COL13A1: variants seen among roughly 807,000 people sequenced by gnomAD.
COL13A1 encodes collagen type XIII alpha 1 chain, also known as collagen alpha-1(XIII) chain.
Under a neutral mutation model 130.9 loss-of-function variants are expected in COL13A1, and 89 were observed. The observed-to-expected ratio is 0.68, with a 90% CI of 0.57 to 0.81. COL13A1 has a LOEUF of 0.81. Ranked by LOEUF, COL13A1 falls within the 30% of genes least tolerant of loss-of-function variation. COL13A1 has a pLI of 0.00. For missense variants in COL13A1, 879 were observed against 934.6 expected (o/e 0.94, Z 0.78); for synonymous variants, 402 against 341.6 (o/e 1.18, Z -1.95).
intron 1 of COL13A1, among the ~76,000 whole-genome samples, chr10:69,820,431 T>G (rs1389350567): frequency 6.6e-6 from 1 of 152,232 alleles, no homozygotes; most frequent in Non-Finnish European, 1.5e-5. Flanking sequence ...AGCCGACCTG[T>G]GTCATGTGCC....
At chr10:69,942,504 G>A (rs1450831141) in intron 35 of COL13A1, among the ~76,000 whole-genome samples, 1 of 152,142 alleles carries the variant, frequency 6.6e-6, no homozygotes, top group Non-Finnish European at 1.5e-5. Context: ...GAGGGAAGCA[G>A]TACAAATTCA....
rs1589539102 is a variant in COL13A1 at position 69,922,758 on chromosome 10, T to A, written c.1194T>A (p.Pro398=). The change falls in exon 23 of 41, where the codon CCT becomes CCA. Residue 398 remains proline, a synonymous_variant. Coordinates refer to ENST00000645393, the MANE Select transcript of COL13A1 (RefSeq NM_001368882.1). ...GNSIGGGRGE[P]GPPGLPGPPG... ...CCATTGGAGGAGGCAGAGGGGAACC[T>A]GGCCCTCCAGGGCTCCCTGGGCCCC... The A allele has an allele frequency of 6.2e-7, 1 of 1,604,552 alleles. No individual in the cohort carries two copies. Among genetic ancestry groups the A allele is most frequent in the East Asian group, 2.2e-5 (1 of 44,640 alleles).
chr10:69,851,642 TTTTGTTTTG>T (rs1480816033), intron 2 of COL13A1, among the ~76,000 whole-genome samples: 4 of 139,686 alleles, frequency 2.9e-5, no homozygotes, highest in Non-Finnish European at 5.9e-5. Flanking sequence ...TATTGTGGTT[TTTTGTTTTG>T]TTTGTTTTGT....
At chr10:69,945,968 G>A (rs2068460264) in intron 37 of COL13A1, among the ~76,000 whole-genome samples, 1 of 152,056 alleles carries the variant, frequency 6.6e-6, no homozygotes, top group South Asian at 2.1e-4. Flanking sequence ...TACTCGGGAG[G>A]CTGAGGCAGG....
chr10:69,893,410 A>G (rs1345148667), intron 10 of COL13A1, among the ~76,000 whole-genome samples: 1 of 152,212 alleles, frequency 6.6e-6, no homozygotes, highest in African/African-American at 2.4e-5. Context: ...GGAGTGCCAC[A>G]TGGATGGTCC....
chr10:69,882,869 C>T (rs879771054), intron 7 of COL13A1, among the ~76,000 whole-genome samples: 2 of 152,172 alleles, frequency 1.3e-5, no homozygotes, highest in Non-Finnish European at 2.9e-5. Flanking sequence ...CACTACAGCA[C>T]GGGCAGCCCC....
chr10:69,918,221 C>T, intron 18 of COL13A1, 64 bp from the exon 19 acceptor site: 2 of 1,490,354 alleles, frequency 1.3e-6, no homozygotes, highest in South Asian at 1.2e-5. Flanking sequence ...TCCACTGCCC[C>T]CCGCCCCCTG....
At chr10:69,905,965 C>A in intron 17 of COL13A1, 143 bp downstream of exon 17, 1 of 882,788 alleles carries the variant, frequency 1.1e-6, no homozygotes, top group Non-Finnish European at 1.7e-6. Flanking sequence ...CACTGGCCCC[C>A]CGAGGGCCTG....
chr10:69,877,806 A>T (rs1193736037), intron 5 of COL13A1, among the ~76,000 whole-genome samples: 1 of 152,014 alleles, frequency 6.6e-6, no homozygotes, highest in South Asian at 2.1e-4. Flanking sequence ...TATCTGGAGC[A>T]GCTGCACATT....
At chr10:69,925,955 C>A in intron 26 of COL13A1, 83 bp downstream of exon 26, 1 of 1,191,830 alleles carries the variant, frequency 8.4e-7, no homozygotes, top group Non-Finnish European at 1.2e-6. Context: ...CCCTTCCACA[C>A]AGCCGAGTAG....
At chr10:69,807,947 A>T (rs529011780) in intron 1 of COL13A1, among the ~76,000 whole-genome samples, 1 of 152,322 alleles carries the variant, frequency 6.6e-6, no homozygotes, top group Admixed American at 6.5e-5. Flanking sequence ...CATGGAGCTT[A>T]CATGCAGCCT....
intron 2 of COL13A1, among the ~76,000 whole-genome samples, chr10:69,834,405 A>G (rs1849533752): frequency 6.6e-6 from 1 of 152,216 alleles, no homozygotes; most frequent in East Asian, 1.9e-4. Context: ...CAGAGGTAAC[A>G]TTAGCAAGTT....
chr10:69,898,128 C>A (rs947695783), intron 13 of COL13A1, among the ~76,000 whole-genome samples: 2 of 152,180 alleles, frequency 1.3e-5, no homozygotes, highest in African/African-American at 4.8e-5. Flanking sequence ...TGACCACCCT[C>A]CCCAGATGCG....
chr10:69,857,430 C>A (rs1049275853), intron 2 of COL13A1, among the ~76,000 whole-genome samples: 1 of 152,180 alleles, frequency 6.6e-6, no homozygotes, highest in Non-Finnish European at 1.5e-5. Flanking sequence ...TCAGAGCAAG[C>A]GAAGTGTCCT....
At chr10:69,945,941 C>G (rs377373115) in intron 37 of COL13A1, among the ~76,000 whole-genome samples, 5 of 151,992 alleles carry the variant, frequency 3.3e-5, no homozygotes, top group Non-Finnish European at 5.9e-5. Context: ...TGTGGTGGTG[C>G]GCACCTGTAT....
intron 32 of COL13A1, 115 bp from the exon 33 acceptor site, chr10:69,936,641 C>A: frequency 7.9e-7 from 1 of 1,270,648 alleles, no homozygotes; most frequent in Non-Finnish European, 1.1e-6. Flanking sequence ...GGGCAGGGAC[C>A]CCAAACCATA....
chr10:69,829,305 T>C (rs112604197), intron 2 of COL13A1: 10,820 of 974,136 alleles, frequency 0.011, 113 homozygotes, highest in African/African-American at 0.021. Context: ...AACATTGATG[T>C]ATAACTCCAG....
At chr10:69,893,157 C>T (rs1254558167) in intron 10 of COL13A1, among the ~76,000 whole-genome samples, 1 of 152,232 alleles carries the variant, frequency 6.6e-6, no homozygotes, top group Non-Finnish European at 1.5e-5. Context: ...TTGAGAGCAG[C>T]CTGGGCAACA....
intron 39 of COL13A1, among the ~76,000 whole-genome samples, chr10:69,953,177 G>A (rs1210013392): frequency 6.6e-6 from 1 of 152,202 alleles, no homozygotes; most frequent in Non-Finnish European, 1.5e-5. Context: ...TAAATCCCTT[G>A]CCTTTGAATC....
Sources: gnomAD v4.1 joint callset for allele counts (sites outside exome capture counted in the v4.1 genomes callset) on GRCh38, gnomAD v4.1.1 for gene constraint, MANE v1.5 for transcripts, NCBI Gene and HGNC (gene_info 2026-07-23, HGNC 2026-07-21) for gene names.